The following ANKRD50 variants were observed in gnomAD, a reference collection of about 807,000 sequenced individuals.
The protein encoded by ANKRD50 is ankyrin repeat domain-containing protein 50.
ANKRD50 carries 40 observed loss-of-function variants against 112.0 expected under a neutral mutation model. The observed-to-expected ratio is 0.36, with a 90% confidence interval of 0.28 to 0.46. ANKRD50 has a LOEUF of 0.46. Ranked by LOEUF, ANKRD50 falls within the 20% of genes least tolerant of loss-of-function variation. The probability of loss-of-function intolerance (pLI) is 1.00; values close to 1 mark genes in which losing one functional copy is unlikely to be tolerated. For missense variants in ANKRD50, 1,487 were observed against 1,701.7 expected, an observed-to-expected ratio of 0.87 and a Z score of 2.22; for synonymous variants, 613 against 619.1, an observed-to-expected ratio of 0.99 and a Z score of 0.15.
rs901774729 is a variant in ANKRD50, at chr4:124,710,408, T to C, written c.104A>G (p.His35Arg). The C allele has an allele frequency of 6.2e-7, 1 of 1,614,230 alleles. No homozygotes were observed. The highest frequency in any genetic ancestry group is 1.1e-5 in the South Asian group (1 of 91,088). ...CREWVFHKLQ[H>R]CLQEKSNCCN... is the part of the protein sequence containing the mutation. ...GCAGTTACTTTTCTCCTGGAGGCAA[T>C]GCTGAAGCTTGTGGAAAACCCACTC... The change falls in exon 2 of 5, where the codon CAT (histidine) becomes CGT (arginine). Residue 35 changes from histidine to arginine, a missense_variant. Coordinates refer to ENST00000504087, the MANE Select transcript of ANKRD50 (RefSeq NM_020337.3).
intron 2 of ANKRD50, among the ~76,000 whole-genome samples, chr4:124,688,982 G>A (rs1482952966): frequency 6.6e-6 from 1 of 152,122 alleles, no homozygotes; most frequent in Non-Finnish European, 1.5e-5. Flanking sequence ...CTAATTCAGA[G>A]AGGTCTTCCC....
At chr4:124,702,157 TAACCAAA>T (rs1725407186) in intron 2 of ANKRD50, among the ~76,000 whole-genome samples, 1 of 152,214 alleles carries the variant, frequency 6.6e-6, no homozygotes, top group South Asian at 2.1e-4. Context: ...AGATGAGGCA[TAACCAAA>T]TTATTAAAAG....
rs1304703045 is a variant in ANKRD50 at position 124,664,992 on chromosome 4, T to C, written c.*2526A>G. ...ATGTTATAAAAATGTTATAAGCACA[T>C]GCCATCATAGTTGTGTAGTGGCAAC... On this transcript the variant is annotated 3_prime_UTR_variant, in exon 5 of 5. Transcript: ENST00000504087. 6.6e-6 allele frequency: 1 copy of C among 151,984 alleles called. No homozygotes were observed. The highest frequency in any genetic ancestry group is 2.4e-5 in the African/African-American group (1 of 41,428). The allele number at this position is 151,984 out of a possible 1,614,324, so 9.4% of individuals were successfully genotyped here.
intron 2 of ANKRD50, among the ~76,000 whole-genome samples, chr4:124,697,314 C>T (rs1425773118): frequency 2.0e-5 from 3 of 152,186 alleles, no homozygotes; most frequent in Non-Finnish European, 4.4e-5. Context: ...AAGATTTTAA[C>T]CCTGATGTAT....
At chr4:124,687,125 G>A (rs1234734219) in intron 2 of ANKRD50, among the ~76,000 whole-genome samples, 1 of 152,184 alleles carries the variant, frequency 6.6e-6, no homozygotes, top group African/African-American at 2.4e-5. Context: ...TAAAGCTAGT[G>A]CAATCAAGAC....
intron 2 of ANKRD50, among the ~76,000 whole-genome samples, chr4:124,694,160 G>A (rs996155422): frequency 2.7e-4 from 41 of 152,018 alleles, no homozygotes; most frequent in African/African-American, 9.7e-4. Context: ...ACTTCCAATC[G>A]GGGAACAAAT....
chr4:124,690,629 T>C (rs952037782), intron 2 of ANKRD50, among the ~76,000 whole-genome samples: 8 of 152,192 alleles, frequency 5.3e-5, no homozygotes, highest in African/African-American at 1.9e-4. Context: ...AGTGTTACCT[T>C]AAAAATTTTT....
At position 124,710,453 on chromosome 4, in the gene ANKRD50, C is replaced by T. The variant is rs1725604031; in HGVS notation, c.59G>A (p.Gly20Glu). 6.2e-7 allele frequency: 1 copy of T among 1,613,952 alleles called. No homozygotes were observed. The highest frequency in any genetic ancestry group is 1.3e-5 in the African/African-American group (1 of 74,924). Residue 20 changes from glycine to glutamate, a missense_variant, in exon 2 of 5, where the codon GGG (glycine) becomes GAG (glutamate). By Grantham distance (98) the Gly-to-Glu change is moderately conservative. Around this residue, in one of 2 missense-constraint regions of ANKRD50, gnomAD observed 1,046 missense variants for 1,269.5 expected, o/e 0.82. Transcript: ENST00000504087. ...CCACTCCCTACAGTAAAACTGCTTC[C>T]CTTGCAGTAAACTGGTTTGAGCCAT... ...CKMAQTSLLQGKQFYCREWVF... is the reference protein window; with the variant it reads ...CKMAQTSLLQEKQFYCREWVF...
intron 2 of ANKRD50, among the ~76,000 whole-genome samples, chr4:124,685,316 A>G (rs1189805615): frequency 6.6e-6 from 1 of 152,184 alleles, no homozygotes; most frequent in Non-Finnish European, 1.5e-5. Context: ...CTTGATGGAA[A>G]AAGTTTTGTT....
chr4:124,707,690 T>C (rs919987536), intron 2 of ANKRD50, among the ~76,000 whole-genome samples: 3 of 152,068 alleles, frequency 2.0e-5, no homozygotes, highest in African/African-American at 4.8e-5. Flanking sequence ...AGCCTTCTCT[T>C]TTATTAAAGT....
At chr4:124,682,458 T>C (rs184507328) in intron 2 of ANKRD50, among the ~76,000 whole-genome samples, 107 of 152,282 alleles carry the variant, frequency 7.0e-4, no homozygotes, top group Admixed American at 1.8e-3. Context: ...ATTTTTGGTT[T>C]ATTTACTCTA....
chr4:124,679,990 G>C (rs1215949007), intron 2 of ANKRD50, among the ~76,000 whole-genome samples: 1 of 151,976 alleles, frequency 6.6e-6, no homozygotes, highest in African/African-American at 2.4e-5. Context: ...ATTACACGTG[G>C]GCCTTTTCAT....
Position 124,669,825 on chromosome 4 carries a change from C to A in ANKRD50, c.3452G>T (p.Arg1151Leu). The A allele has an allele frequency of 6.2e-7, 1 of 1,612,814 alleles. No individual in the cohort carries two copies. Among genetic ancestry groups the A allele is most frequent in the African/African-American group, 1.3e-5 (1 of 74,860 alleles). ...ATGAGTAGGCCCATTAGGTAAACCA[C>A]GTAACGAAGGCTGCATATCCCCTCC... ...TGGGDMQPSL[R>L]GLPNGPTHAF... Residue 1151 changes from arginine (R) to leucine (L), a missense_variant, in exon 4 of 5, where the codon CGT (arginine) becomes CTT (leucine). Physicochemically the swap from Arg to Leu is moderately radical, Grantham distance 102. Transcript: ENST00000504087.
chr4:124,701,873 C>T (rs1725400688), intron 2 of ANKRD50, among the ~76,000 whole-genome samples: 1 of 151,488 alleles, frequency 6.6e-6, no homozygotes, highest in Admixed American at 6.6e-5. Context: ...AAAAATCAAA[C>T]CATTTTACTT....
chr4:124,694,921 G>A (rs556841397), intron 2 of ANKRD50, among the ~76,000 whole-genome samples: 5 of 152,102 alleles, frequency 3.3e-5, no homozygotes, highest in African/African-American at 7.2e-5. Flanking sequence ...TTACAATGCC[G>A]AGAAAGAGAG....
At chr4:124,700,600 T>G (rs1195835397) in intron 2 of ANKRD50, among the ~76,000 whole-genome samples, 1 of 147,060 alleles carries the variant, frequency 6.8e-6, no homozygotes, top group African/African-American at 2.5e-5. Context: ...GACTCCTACA[T>G]TTCTGATAAA....
In ANKRD50 at chr4:124,710,207, C is replaced by T; in HGVS notation, c.305G>A (p.Gly102Asp). 1 of 1,614,200 alleles carries T rather than the reference C, an allele frequency of 6.2e-7. No individual in the cohort carries two copies. The highest frequency in any genetic ancestry group is 8.5e-7 in the Non-Finnish European group (1 of 1,180,042). Reference sequence around the variant, plus strand: ...AAAGGCCAAAGCTTGGCGATGTAAACCTCTCTGCAAACTTGCAGGTGAACT... The same window carrying T: ...AAAGGCCAAAGCTTGGCGATGTAAATCTCTCTGCAAACTTGCAGGTGAACT... Reference protein sequence around the residue: ...WPSSPASLQRGLHRQALAFHF... With the variant: ...WPSSPASLQRDLHRQALAFHF... Residue 102 changes from glycine (G) to aspartate (D), a missense_variant, in exon 2 of 5, where the codon GGT becomes GAT. By Grantham distance (94) the Gly-to-Asp change is moderately conservative. This residue lies in a region of ANKRD50 where 1,046 missense variants were observed against 1,269.5 expected (regional missense o/e 0.82). Coordinates refer to ENST00000504087, the MANE Select transcript of ANKRD50 (RefSeq NM_020337.3).
intron 3 of ANKRD50, among the ~76,000 whole-genome samples, chr4:124,674,045 T>G (rs1249115826): frequency 1.3e-5 from 2 of 152,036 alleles, no homozygotes. Context: ...TTACCAATGA[T>G]GTGAGATGAT....
chr4:124,703,064 G>A (rs1007659108), intron 2 of ANKRD50, among the ~76,000 whole-genome samples: 1 of 151,982 alleles, frequency 6.6e-6, no homozygotes, highest in African/African-American at 2.4e-5. Flanking sequence ...AGCCATGTAA[G>A]TAAATAAAAT....
Sources: allele counts gnomAD v4.1 joint callset (sites outside exome capture counted in the v4.1 genomes callset), GRCh38; gene constraint gnomAD v4.1.1; regional missense constraint gnomAD v4.1.1; transcripts MANE v1.5; gene names NCBI Gene and HGNC (gene_info 2026-07-23, HGNC 2026-07-21).